The following SMC1B variants were observed in gnomAD, a reference collection of about 807,000 sequenced individuals.
SMC1B encodes structural maintenance of chromosomes protein 1B.
SMC1B carries 60 observed loss-of-function variants against 157.9 expected under a neutral mutation model. The observed-to-expected ratio is 0.38, with a 90% CI of 0.31 to 0.47. SMC1B has a LOEUF of 0.47. SMC1B is among the 20% of genes least tolerant of loss of function. The probability of loss-of-function intolerance (pLI) is 0.99; values close to 1 mark genes in which losing one functional copy is unlikely to be tolerated. For synonymous variants in SMC1B, 445 were observed against 483.0 expected (o/e 0.92, Z 1.03); for missense variants, 1,165 against 1,426.2 (o/e 0.82, Z 2.95).
chr22:45,408,881 C>G lies in SMC1B; in HGVS notation c.127G>C (p.Asp43His). Residue 43 changes from aspartate to histidine, a missense_variant, in exon 2 of 25, where the codon GAT becomes CAT. Asp to His is a moderately conservative substitution (Grantham distance 81, BLOSUM62 -1). Transcript: ENST00000357450. ...TCTCCCATTACAAAACTAAGTGCAT[C>G]CATTACATTAGATTTTCCTGGGGAA... ...PNGSGKSNVM[D>H]ALSFVMGEKI... 6.6e-7 allele frequency: 1 copy of G among 1,517,706 alleles called. No homozygotes were observed. The highest frequency in any genetic ancestry group is 2.4e-5 in the East Asian group (1 of 42,030). 94.0% of individuals were successfully genotyped at this position (1,517,706 alleles called of 1,614,324 possible).
In SMC1B at chr22:45,393,823, T is replaced by C; in HGVS notation, c.1356A>G (p.Lys452=). 1.2e-6 allele frequency: 2 copies of C among 1,610,016 alleles called. No homozygotes were observed. Among genetic ancestry groups the C allele is most frequent in the Non-Finnish European group, 1.7e-6 (2 of 1,177,916 alleles). Residue 452 remains lysine (K), a synonymous_variant, in exon 9 of 25, where the codon AAA becomes AAG. Transcript: ENST00000357450. The stretch of plus-strand genomic sequence containing the variant: ...CCACTAGGGTTTCCTCTTGCTGTTT[T>C]TTCTCTTTCAAGCAATCCCTACAAA... ...TKTCMDCLKE[K]KQQEETLVDE... is the part of the protein sequence containing the mutation.
intron 15 of SMC1B, among the ~76,000 whole-genome samples, chr22:45,364,347 T>C (rs1358546669): frequency 6.6e-6 from 1 of 152,192 alleles, no homozygotes; most frequent in African/African-American, 2.4e-5. Context: ...TTGTGCTAGA[T>C]ACTGCTAATA....
In SMC1B at chr22:45,402,582, G is replaced by GTA; in HGVS notation, c.616-13_616-12dup. On this transcript the variant is annotated splice_polypyrimidine_tract_variant and intron_variant, in intron 4 of 24. Coordinates refer to ENST00000357450, the MANE Select transcript of SMC1B (RefSeq NM_148674.5). ...CTGGTAACGTTCTGCCTATAAAAGA[G>GTA]TATAATTCAACAGCAGTTAAAAGGG... The GTA allele has an allele frequency of 6.3e-7, 1 of 1,592,940 alleles. No individual in the cohort carries two copies. Among genetic ancestry groups the GTA allele is most frequent in the Non-Finnish European group, 8.6e-7 (1 of 1,164,406 alleles).
chr22:45,412,889 C>A (rs1206694488), intron 1 of SMC1B, among the ~76,000 whole-genome samples: 1 of 152,198 alleles, frequency 6.6e-6, no homozygotes, highest in Admixed American at 6.5e-5. Context: ...TGCTTGGAAC[C>A]CATTACCTCC....
In SMC1B at chr22:45,399,372, T is replaced by A. The variant is rs778166884; in HGVS notation, c.855-19A>T. The A allele has an allele frequency of 1.2e-5, 19 of 1,571,098 alleles. No homozygotes were observed. The highest frequency in any genetic ancestry group is 1.5e-5 in the Non-Finnish European group (17 of 1,165,854). The stretch of plus-strand genomic sequence containing the variant: ...AACCGATCTGAAAAGGGAAAAATGT[T>A]TGCTTTAAAGAAAATTTCATTTCTT... On this transcript the variant is annotated intron_variant, in intron 5 of 24. Transcript: ENST00000357450.
chr22:45,372,166 C>A lies in SMC1B; in HGVS notation c.2185G>T (p.Ala729Ser). The A allele has an allele frequency of 6.2e-7, 1 of 1,603,872 alleles. No homozygotes were observed. Among genetic ancestry groups the A allele is most frequent in the African/African-American group, 1.3e-5 (1 of 74,438 alleles). ...TAAGTCTATATTACCTGGTAAAAAG[C>A]AACAAGGTGCTTCTTCTTAATCATC... ...LEMIKKKHLVAFYQEQSQLQS... is the reference protein window; with the variant it reads ...LEMIKKKHLVSFYQEQSQLQS... Residue 729 changes from alanine to serine, a missense_variant, in exon 13 of 25, where the codon GCT becomes TCT. Coordinates refer to ENST00000357450, the MANE Select transcript of SMC1B (RefSeq NM_148674.5).
chr22:45,377,380 T>A (rs2086892968), intron 12 of SMC1B, among the ~76,000 whole-genome samples: 1 of 152,172 alleles, frequency 6.6e-6, no homozygotes, highest in Non-Finnish European at 1.5e-5. Context: ...GGCTCATGCC[T>A]GTAATCCCAG....
At chr22:45,374,042 A>G (rs136576) in intron 12 of SMC1B, among the ~76,000 whole-genome samples, 92,515 of 149,546 alleles carry the variant, frequency 0.62, 31,124 homozygotes, top group African/African-American at 0.89. Context: ...AAGGTAAAAG[A>G]AACCGGAAAA....
chr22:45,382,810 G>C (rs2086949812), intron 12 of SMC1B, among the ~76,000 whole-genome samples: 1 of 152,160 alleles, frequency 6.6e-6, no homozygotes, highest in African/African-American at 2.4e-5. Flanking sequence ...AAATTCATGA[G>C]GAAATGCCCA....
chr22:45,349,908 T>C, intron 22 of SMC1B, 111 bp from the exon 23 acceptor site: 2 of 851,900 alleles, frequency 2.3e-6, no homozygotes, highest in Non-Finnish European at 3.6e-6. Flanking sequence ...CTTTTGGATA[T>C]TTCTAAGTAA....
At chr22:45,372,321 T>C in intron 12 of SMC1B, 29 bp from the exon 13 acceptor site, 1 of 1,554,980 alleles carries the variant, frequency 6.4e-7, no homozygotes, top group Non-Finnish European at 8.7e-7. Flanking sequence ...ATGAGAATAT[T>C]TTATGATAGA....
intron 12 of SMC1B, among the ~76,000 whole-genome samples, chr22:45,377,912 A>G (rs2146806229): frequency 6.6e-6 from 1 of 151,930 alleles, no homozygotes; most frequent in East Asian, 1.9e-4. Flanking sequence ...GCAGTGGCAT[A>G]ATCACTGCTC....
chr22:45,371,712 A>G (rs2086834059), intron 13 of SMC1B, 125 bp from the exon 14 acceptor site: 2 of 1,151,420 alleles, frequency 1.7e-6, no homozygotes, highest in African/African-American at 3.2e-5. Flanking sequence ...ATTCACCTGG[A>G]TAAAAGGTTA....
Position 45,344,424 on chromosome 22 carries a change from A to G in SMC1B, c.*132T>C. ...AAAGTGAGCCACAGCCTCTTTGGCTAGAACGACTAAGGTTTCTCTTAAAGG... is the reference window on the plus strand; with the variant it reads ...AAAGTGAGCCACAGCCTCTTTGGCTGGAACGACTAAGGTTTCTCTTAAAGG... On this transcript the variant is annotated 3_prime_UTR_variant, in exon 25 of 25. Coordinates refer to ENST00000357450, the MANE Select transcript of SMC1B (RefSeq NM_148674.5). 1.7e-6 allele frequency: 1 copy of G among 604,810 alleles called. No homozygotes were observed. Among genetic ancestry groups the G allele is most frequent in the Non-Finnish European group, 2.9e-6 (1 of 339,228 alleles). The allele number at this position is 604,810 out of a possible 1,614,324, so 37.5% of individuals were successfully genotyped here. A position where few individuals can be genotyped will look rare whatever the true frequency, so the allele number is the denominator to read the frequency against.
intron 15 of SMC1B, among the ~76,000 whole-genome samples, chr22:45,364,641 A>G (rs2146782910): frequency 6.6e-6 from 1 of 152,244 alleles, no homozygotes; most frequent in Admixed American, 6.5e-5. Context: ...TGCCTGTAGG[A>G]GAGCTTAAGA....
In SMC1B at chr22:45,359,896, A is replaced by C; in HGVS notation, c.2771T>G (p.Leu924Ter). ...SIQTSLEQKR[L>*]EKHNLLLDCK... ...ATCAAGCAGCAAGTTATGCTTCTCT[A>C]ATCGTTTCTGTTCCAGAGAAGTTTG... The change falls in exon 18 of 25, where the codon TTA (leucine) becomes TGA (stop). Residue 924 changes from leucine (L) to a stop codon, truncating the protein, a stop_gained. Transcript: ENST00000357450. LOFTEE classifies it high-confidence loss of function. 1 of 1,614,044 alleles carries C rather than the reference A, an allele frequency of 6.2e-7. No individual in the cohort carries two copies. The highest frequency in any genetic ancestry group is 8.5e-7 in the Non-Finnish European group (1 of 1,179,894).
intron 10 of SMC1B, among the ~76,000 whole-genome samples, chr22:45,387,531 T>C (rs534302197): frequency 2.0e-5 from 3 of 152,326 alleles, no homozygotes; most frequent in South Asian, 2.1e-4. Context: ...CATCCCATCA[T>C]TGGTTTGGGT....
At position 45,355,179 on chromosome 22, in the gene SMC1B, T is replaced by A; in HGVS notation, c.2962-64A>T. On this transcript the variant is annotated intron_variant, in intron 19 of 24. Transcript: ENST00000357450. ...GTCTTTTACATCCAGCAAGGTAGGG[T>A]GCGTGTGTGGGGCACTTCACCATCC... is the stretch of plus-strand genomic sequence containing the variant. 2.6e-6 allele frequency: 4 copies of A among 1,563,784 alleles called. No homozygotes were observed. The South Asian group carries it at 4.5e-5, about 18-fold the overall frequency.
At chr22:45,373,083 G>A (rs907043677) in intron 12 of SMC1B, among the ~76,000 whole-genome samples, 4 of 152,144 alleles carry the variant, frequency 2.6e-5, no homozygotes, top group African/African-American at 9.7e-5. Context: ...CTATAACTTG[G>A]AAGTGCTTTC....
Sources: allele counts gnomAD v4.1 joint callset (sites outside exome capture counted in the v4.1 genomes callset), GRCh38; gene constraint gnomAD v4.1.1; transcripts MANE v1.5; gene names NCBI Gene and HGNC (gene_info 2026-07-23, HGNC 2026-07-21).